Variants in ATG2B observed in about 807,000 individuals in gnomAD.
ATG2B encodes the protein autophagy related 2B.
A neutral mutation model predicts 241.3 loss-of-function variants in ATG2B; 121 were observed. That is an observed-to-expected ratio of 0.50 (90% CI 0.43 to 0.58). The LOEUF (loss-of-function observed/expected upper bound fraction) is 0.58, where lower values mean the gene tolerates loss of function less well. Ranked by LOEUF, ATG2B falls within the 20% of genes least tolerant of loss-of-function variation. ATG2B has a pLI of 0.00. For synonymous variants in ATG2B, 858 were observed against 876.6 expected (o/e 0.98, Z 0.37); for missense variants, 2,306 against 2,491.6 (o/e 0.93, Z 1.59).
chr14:96,339,302 GTGTA>G (rs1329438571), intron 6 of ATG2B, among the ~76,000 whole-genome samples: 3 of 135,028 alleles, frequency 2.2e-5, no homozygotes, highest in Non-Finnish European at 3.2e-5. Context: ...GTGTGTGTGT[GTGTA>G]TACATATATA....
chr14:96,324,063 A>ATCTTT, intron 15 of ATG2B, 65 bp from the exon 16 acceptor site: 7 of 1,074,166 alleles, frequency 6.5e-6, no homozygotes, highest in Non-Finnish European at 9.5e-6. Context: ...GAGATGGAGG[A>ATCTTT]GCAAAGATCC....
intron 29 of ATG2B, among the ~76,000 whole-genome samples, chr14:96,307,677 G>C (rs1050589658): frequency 2.0e-5 from 3 of 152,004 alleles, no homozygotes; most frequent in Non-Finnish European, 2.9e-5. Flanking sequence ...CTAAATGTAG[G>C]GGGAGGGAAG....
At position 96,295,127 on chromosome 14, in the gene ATG2B, T is replaced by G; in HGVS notation, c.5259A>C (p.Pro1753=). The G allele has an allele frequency of 6.2e-7, 1 of 1,614,214 alleles. No individual in the cohort carries two copies. Among genetic ancestry groups the G allele is most frequent in the East Asian group, 2.2e-5 (1 of 44,880 alleles). Residue 1753 remains proline, a synonymous_variant, in exon 36 of 42, where the codon CCA becomes CCC. Coordinates refer to ENST00000359933, the MANE Select transcript of ATG2B (RefSeq NM_018036.7). ...SPGADVTCSL[P]RHLSTSKEPN... ...GCTCCTTTGAGGTACTCAAATGCCTTGGCAAACTGCAGGTGACATCAGCTC... is the reference window on the plus strand; with the variant it reads ...GCTCCTTTGAGGTACTCAAATGCCTGGGCAAACTGCAGGTGACATCAGCTC...
intron 1 of ATG2B, among the ~76,000 whole-genome samples, chr14:96,353,269 CAT>C (rs1379219271): frequency 6.6e-6 from 1 of 152,278 alleles, no homozygotes; most frequent in African/African-American, 2.4e-5. Flanking sequence ...TTAAGCAACA[CAT>C]GACTGTACTG....
chr14:96,317,578 A>T, intron 19 of ATG2B, 120 bp downstream of exon 19: 1 of 895,756 alleles, frequency 1.1e-6, no homozygotes. Context: ...TTACTAAAAG[A>T]AATTGCAAAA....
rs778326241 is a variant in ATG2B, at chr14:96,317,257, T to C, written c.3098A>G (p.Tyr1033Cys). The change falls in exon 20 of 42, where the codon TAT becomes TGT. Residue 1033 changes from tyrosine (Y) to cysteine (C), a missense_variant. Transcript: ENST00000359933. Reference protein sequence around the residue: ...LQYFSTVDPNYRSRRKKKLDS... With the variant: ...LQYFSTVDPNCRSRRKKKLDS... The stretch of plus-strand genomic sequence containing the variant: ...TAATTTTTTTTTCCTGCGAGAACGA[T>C]AGTTGGGATCAACAGTGGAAAAATA... The C allele has an allele frequency of 4.4e-5, 71 of 1,613,770 alleles. No individual in the cohort carries two copies. Among genetic ancestry groups the C allele is most frequent in the Non-Finnish European group, 5.7e-5 (67 of 1,179,836 alleles).
At chr14:96,291,756 T>TA in intron 37 of ATG2B, 74 bp from the exon 38 acceptor site, 2 of 1,128,644 alleles carry the variant, frequency 1.8e-6, no homozygotes, top group Non-Finnish European at 2.6e-6. Context: ...ATTGTTATTT[T>TA]GAAAGTCAAA....
At chr14:96,356,782 A>C (rs1888486929) in intron 1 of ATG2B, among the ~76,000 whole-genome samples, 2 of 152,288 alleles carry the variant, frequency 1.3e-5, no homozygotes, top group African/African-American at 4.8e-5. Context: ...AAAAAATATA[A>C]AGTCAGAAAG....
chr14:96,325,345 T>C (rs1300009362), intron 15 of ATG2B, among the ~76,000 whole-genome samples: 1 of 152,226 alleles, frequency 6.6e-6, no homozygotes, highest in Non-Finnish European at 1.5e-5. Context: ...TAACAAGTTC[T>C]ATTATCAGTC....
intron 1 of ATG2B, among the ~76,000 whole-genome samples, chr14:96,359,900 T>C (rs1245932829): frequency 1.3e-5 from 2 of 152,232 alleles, no homozygotes; most frequent in Non-Finnish European, 2.9e-5. Flanking sequence ...TGTACTTATA[T>C]TTAATATACA....
intron 1 of ATG2B, among the ~76,000 whole-genome samples, chr14:96,362,511 C>T (rs559207714): frequency 6.6e-5 from 10 of 152,126 alleles, no homozygotes; most frequent in Non-Finnish European, 1.5e-4. Flanking sequence ...AGGGACAGTT[C>T]TGGTCACCTC....
chr14:96,304,355 A>C, intron 32 of ATG2B, 140 bp downstream of exon 32: 1 of 539,216 alleles, frequency 1.9e-6, no homozygotes, highest in East Asian at 2.8e-5. Context: ...AAAAGAGGTA[A>C]GAGTTTTATA....
At position 96,334,429 on chromosome 14, in the gene ATG2B, T is replaced by G; in HGVS notation, c.997A>C (p.Met333Leu). The change falls in exon 7 of 42, where the codon ATG (methionine) becomes CTG (leucine). Residue 333 changes from methionine (M) to leucine (L), a missense_variant. By Grantham distance (15) the Met-to-Leu change is conservative. Transcript: ENST00000359933. ...SPRQVHLLLD[M>L]LAAIAGPENS... Reference sequence around the variant, plus strand: ...CCTGGTCCAGCAATAGCTGCCAACATATCCAAAAGCAAGTGCACCTGTCTT... The same window carrying G: ...CCTGGTCCAGCAATAGCTGCCAACAGATCCAAAAGCAAGTGCACCTGTCTT... 1.2e-6 allele frequency: 2 copies of G among 1,610,558 alleles called. No homozygotes were observed. Among genetic ancestry groups the G allele is most frequent in the Admixed American group, 1.7e-5 (1 of 59,500 alleles).
intron 6 of ATG2B, among the ~76,000 whole-genome samples, chr14:96,338,445 A>C (rs1887923605): frequency 6.6e-6 from 1 of 152,064 alleles, no homozygotes; most frequent in South Asian, 2.1e-4. Context: ...CTTTTATTAC[A>C]CTTTGAGGTA....
Position 96,279,515 on chromosome 14 carries a change from A to T in ATG2B, c.*6240T>A, listed in dbSNP as rs1217434607. 6.6e-6 allele frequency: 1 copy of T among 152,280 alleles called. No homozygotes were observed. Among genetic ancestry groups the T allele is most frequent in the Non-Finnish European group, 1.5e-5 (1 of 68,070 alleles). 9.4% of individuals were successfully genotyped at this position (152,280 alleles called of 1,614,324 possible). On this transcript the variant is annotated 3_prime_UTR_variant, in exon 42 of 42. Coordinates refer to ENST00000359933, the MANE Select transcript of ATG2B (RefSeq NM_018036.7). Reference sequence around the variant, plus strand: ...CCCTTGCCCTCCTGAAGGAAGTCAAACAGGGAAACAGACGTGGATCTACAG... The same window carrying T: ...CCCTTGCCCTCCTGAAGGAAGTCAATCAGGGAAACAGACGTGGATCTACAG...
intron 34 of ATG2B, among the ~76,000 whole-genome samples, chr14:96,297,387 G>C (rs1886673608): frequency 6.6e-6 from 1 of 151,780 alleles, no homozygotes; most frequent in South Asian, 2.1e-4. Flanking sequence ...CTAATCACCA[G>C]CTTTTTTTGT....
At position 96,308,253 on chromosome 14, in the gene ATG2B, C is replaced by CATATATATATAT. The variant is rs1309788039; in HGVS notation, c.4303+1199_4303+1200insATATATATATAT. ...ATACATATATATATATATATATATA[C>CATATATATATAT]ACACATATATATATATATATATATA... On this transcript the variant is annotated intron_variant, in intron 29 of 41. Coordinates refer to ENST00000359933, the MANE Select transcript of ATG2B (RefSeq NM_018036.7). Among the ~76,000 whole-genome samples the CATATATATATAT allele has an allele frequency of 8.0e-4, 29 of 36,398 alleles. 1 individual carries two copies. The highest frequency in any genetic ancestry group is 5.2e-3 in the South Asian group (5 of 966). 23.9% of individuals were successfully genotyped at this position (36,398 alleles called of 152,430 possible).
Position 96,301,291 on chromosome 14 carries a change from T to G in ATG2B, c.5139+716A>C, listed in dbSNP as rs138186102. On this transcript the variant is annotated intron_variant, in intron 34 of 41. Coordinates refer to ENST00000359933, the MANE Select transcript of ATG2B (RefSeq NM_018036.7). ...TAAGGCTTGGAGATGTTCAGTAACT[T>G]ACCCGAAGCCATACAACTAGTAAAA... Among the ~76,000 whole-genome samples, 649 of 130,270 alleles carry G rather than the reference T, an allele frequency of 5.0e-3. 26 individuals carry two copies. The South Asian group carries it at 0.084, about 17-fold the overall frequency. The allele number at this position is 130,270 out of a possible 152,430, so 85.5% of individuals were successfully genotyped here. A position where few individuals can be genotyped will look rare whatever the true frequency, so the allele number is the denominator to read the frequency against.
intron 34 of ATG2B, among the ~76,000 whole-genome samples, chr14:96,299,994 T>C (rs888681198): frequency 6.6e-6 from 1 of 152,226 alleles, no homozygotes; most frequent in Non-Finnish European, 1.5e-5. Context: ...AGAGGCGAAC[T>C]GAAAAGAATT....
Sources: allele counts gnomAD v4.1 joint callset (sites outside exome capture counted in the v4.1 genomes callset), GRCh38; gene constraint gnomAD v4.1.1; transcripts MANE v1.5; gene names NCBI Gene and HGNC (gene_info 2026-07-23, HGNC 2026-07-21).